The following GUCY2F variants were observed in gnomAD, a reference collection of about 807,000 sequenced individuals.
GUCY2F encodes the protein guanylate cyclase 2F, retinal.
A neutral mutation model predicts 73.1 loss-of-function variants in GUCY2F; 61 were observed. That is an observed-to-expected ratio of 0.83 (90% CI 0.68 to 1.03). The LOEUF (loss-of-function observed/expected upper bound fraction) is 1.03. Among genes scored for constraint, GUCY2F ranks in the 50% least tolerant of loss-of-function variants. The pLI is 0.00. For synonymous variants in GUCY2F, 331 were observed against 307.8 expected, an observed-to-expected ratio of 1.08 and a Z score of -0.79; for missense variants, 912 against 854.3, an observed-to-expected ratio of 1.07 and a Z score of -0.84.
At chrX:109,385,769 T>C (rs951266420) in intron 15 of GUCY2F, among the ~76,000 whole-genome samples, 1 of 112,363 alleles carries the variant, frequency 8.9e-6, no homozygotes, top group Non-Finnish European at 1.9e-5. Flanking sequence ...CTTTCAATTA[T>C]CTGTGTTGGG....
chrX:109,402,063 A>G (rs1930852365), intron 10 of GUCY2F, among the ~76,000 whole-genome samples: 1 of 111,643 alleles, frequency 9.0e-6, no homozygotes, highest in Non-Finnish European at 1.9e-5. Context: ...AGCAATGGGA[A>G]GCCATTCGAT....
rs1422037600 is a variant in GUCY2F, at chrX:109,465,265, C to T, written c.909G>A (p.Lys303=). The T allele has an allele frequency of 8.3e-7, 1 of 1,208,228 alleles. No homozygotes were observed. Among genetic ancestry groups the T allele is most frequent in the Non-Finnish European group, 1.1e-6 (1 of 893,836 alleles). The change falls in exon 3 of 20, where the codon AAG becomes AAA. Residue 303 remains lysine, a synonymous_variant. Coordinates refer to ENST00000218006, the MANE Select transcript of GUCY2F (RefSeq NM_001522.3). ...TPYRVLRNNP[K]LREAYDAVLT... ...ACACTGCATCATAGGCTTCCCGGAGCTTTGGGTTGTTCCTTAGGACCCGGT... is the reference window on the plus strand; with the variant it reads ...ACACTGCATCATAGGCTTCCCGGAGTTTTGGGTTGTTCCTTAGGACCCGGT...
chrX:109,413,652 C>G (rs189199758), intron 8 of GUCY2F, among the ~76,000 whole-genome samples: 1 of 111,022 alleles, frequency 9.0e-6, no homozygotes, highest in Non-Finnish European at 1.9e-5. Flanking sequence ...GTGATCCACT[C>G]GCCTTAGACT....
chrX:109,387,840 C>A (rs975737006), intron 15 of GUCY2F, among the ~76,000 whole-genome samples: 7 of 111,550 alleles, frequency 6.3e-5, no homozygotes, highest in African/African-American at 2.3e-4. Flanking sequence ...GAGTGAGGAG[C>A]ATGTCATAAA....
At chrX:109,400,327 G>A (rs1485219983) in intron 10 of GUCY2F, among the ~76,000 whole-genome samples, 1 of 110,970 alleles carries the variant, frequency 9.0e-6, no homozygotes, top group Non-Finnish European at 1.9e-5. Flanking sequence ...AGAATGAGAG[G>A]GAGTTGGAGT....
At chrX:109,405,233 A>T (rs1182007608) in intron 9 of GUCY2F, among the ~76,000 whole-genome samples, 2 of 112,580 alleles carry the variant, frequency 1.8e-5, no homozygotes, top group Non-Finnish European at 3.7e-5. Flanking sequence ...ATGCATATAA[A>T]TACACAAGAA....
chrX:109,393,930 G>T (rs1275211079), intron 12 of GUCY2F, among the ~76,000 whole-genome samples: 1 of 112,062 alleles, frequency 8.9e-6, no homozygotes, highest in African/African-American at 3.2e-5. Flanking sequence ...GGCCACACAT[G>T]CTCCACCTAG....
chrX:109,400,244 G>A (rs1171971418), intron 10 of GUCY2F, among the ~76,000 whole-genome samples: 4 of 110,297 alleles, frequency 3.6e-5, no homozygotes, highest in African/African-American at 1.3e-4. Context: ...CAGCAACACA[G>A]TCAACCAGAT....
rs768175035 is a variant in GUCY2F, at chrX:109,392,956, G to A, written c.2524C>T (p.Arg842Trp). ...TTTTCAATTTCCAGCTCTTCAGTCC[G>A]CTCCCGAATCAAATCTTCCAAGTTG... ...SSNLEDLIRERTEELEIEKQK... is the reference protein window; with the variant it reads ...SSNLEDLIREWTEELEIEKQK... The change falls in exon 13 of 20, where the codon CGG becomes TGG. Residue 842 changes from arginine to tryptophan, a missense_variant. By Grantham distance (101) the Arg-to-Trp change is moderately radical (BLOSUM62 -3). Transcript: ENST00000218006. The A allele has an allele frequency of 9.4e-6, 11 of 1,169,159 alleles. No homozygotes were observed. Among genetic ancestry groups the A allele is most frequent in the Admixed American group, 4.4e-5 (2 of 45,533 alleles).
At chrX:109,458,639 G>T (rs938011841) in intron 3 of GUCY2F, among the ~76,000 whole-genome samples, 6 of 110,812 alleles carry the variant, frequency 5.4e-5, no homozygotes, top group African/African-American at 6.6e-5. Flanking sequence ...TGGAAAAACT[G>T]TTCTCCTTCA....
intron 10 of GUCY2F, 97 bp from the exon 11 acceptor site, chrX:109,398,795 C>A: frequency 1.3e-6 from 1 of 768,113 alleles, no homozygotes; most frequent in Non-Finnish European, 1.9e-6. Context: ...TATTGACTGC[C>A]TTATATTTTT....
chrX:109,379,659 T>C (rs1436318429), intron 17 of GUCY2F, among the ~76,000 whole-genome samples: 2 of 112,394 alleles, frequency 1.8e-5, no homozygotes, highest in African/African-American at 6.5e-5. Flanking sequence ...AGCCTAGATA[T>C]ATACAAAAAT....
chrX:109,472,607 G>T (rs1394886564), intron 2 of GUCY2F, among the ~76,000 whole-genome samples: 1 of 112,212 alleles, frequency 8.9e-6, no homozygotes, highest in African/African-American at 3.2e-5. Context: ...ATTTGATCCG[G>T]TATGTGCTAC....
chrX:109,375,689 G>A (rs375337977), intron 19 of GUCY2F, among the ~76,000 whole-genome samples: 1 of 112,423 alleles, frequency 8.9e-6, no homozygotes, highest in East Asian at 2.8e-4. Flanking sequence ...TCTCGGGCCA[G>A]GGCAGACAAT....
chrX:109,392,289 A>G (rs1052119968), intron 13 of GUCY2F, among the ~76,000 whole-genome samples, 186 bp from the exon 14 acceptor site: 3 of 112,225 alleles, frequency 2.7e-5, no homozygotes, highest in Non-Finnish European at 3.8e-5. Context: ...AGTGCTTACA[A>G]TCGGTCAGGA....
intron 8 of GUCY2F, among the ~76,000 whole-genome samples, chrX:109,413,883 C>T (rs1316798835): frequency 9.0e-6 from 1 of 111,453 alleles, no homozygotes; most frequent in Non-Finnish European, 1.9e-5. Context: ...TGTCATTCTC[C>T]ACATAAGTGC....
intron 14 of GUCY2F, among the ~76,000 whole-genome samples, chrX:109,390,866 C>T (rs1197803214): frequency 8.9e-6 from 1 of 112,412 alleles, no homozygotes; most frequent in African/African-American, 3.2e-5. Context: ...ATTTCTGAGC[C>T]CTATTTAGGT....
At chrX:109,481,429 C>T (rs1298657027) in intron 1 of GUCY2F, among the ~76,000 whole-genome samples, 1 of 111,545 alleles carries the variant, frequency 9.0e-6, no homozygotes, top group African/African-American at 3.3e-5. Flanking sequence ...GGAAGCCTGG[C>T]TTCACACAGA....
intron 17 of GUCY2F, among the ~76,000 whole-genome samples, chrX:109,381,853 T>G (rs1930318067): frequency 8.9e-6 from 1 of 112,719 alleles, no homozygotes. Flanking sequence ...TCTGTGCAGT[T>G]CTTTAAGAGA....
Sources: allele counts gnomAD v4.1 joint callset (sites outside exome capture counted in the v4.1 genomes callset), GRCh38; gene constraint gnomAD v4.1.1; transcripts MANE v1.5; gene names NCBI Gene and HGNC (gene_info 2026-07-23, HGNC 2026-07-21).